LRRC4C: variants seen among roughly 807,000 people sequenced by gnomAD.
LRRC4C encodes leucine rich repeat containing 4C, also known as leucine-rich repeat-containing protein 4C.
Under a neutral mutation model 33.6 loss-of-function variants are expected in LRRC4C, and 5 were observed. The ratio of observed to expected loss-of-function variants is 0.15; its 90% CI spans 0.08 to 0.31. The LOEUF is 0.31. Among genes scored for constraint, LRRC4C ranks in the 10% least tolerant of loss-of-function variants. The pLI is 1.00. For missense variants in LRRC4C, 560 were observed against 796.7 expected, an observed-to-expected ratio of 0.70 and a Z score of 3.58; for synonymous variants, 329 against 302.0, an observed-to-expected ratio of 1.09 and a Z score of -0.93.
At chr11:41,153,321 G>C (rs1481172799) in intron 1 of LRRC4C, among the ~76,000 whole-genome samples, 1 of 152,100 alleles carries the variant, frequency 6.6e-6, no homozygotes, top group African/African-American at 2.4e-5. Context: ...GATGGTATTT[G>C]TTGTTGTTTT....
intron 1 of LRRC4C, among the ~76,000 whole-genome samples, chr11:41,077,561 G>A (rs1315283151): frequency 6.6e-6 from 1 of 152,170 alleles, no homozygotes; most frequent in Non-Finnish European, 1.5e-5. Context: ...GAGATGGAGG[G>A]TGTCATGTTG....
At chr11:40,313,111 T>G (rs921489178) in intron 4 of LRRC4C, among the ~76,000 whole-genome samples, 1 of 152,152 alleles carries the variant, frequency 6.6e-6, no homozygotes, top group Non-Finnish European at 1.5e-5. Context: ...AATCTCTACC[T>G]CTGGACATTA....
At chr11:40,833,922 A>T (rs1309368583) in intron 2 of LRRC4C, among the ~76,000 whole-genome samples, 1 of 152,220 alleles carries the variant, frequency 6.6e-6, no homozygotes, top group African/African-American at 2.4e-5. Context: ...AAATCCTTGA[A>T]TTTTTCATCT....
At chr11:41,064,360 A>T (rs1300359871) in intron 1 of LRRC4C, among the ~76,000 whole-genome samples, 1 of 152,172 alleles carries the variant, frequency 6.6e-6, no homozygotes, top group Non-Finnish European at 1.5e-5. Context: ...CTGGTACAAC[A>T]TGTGTCTTTC....
intron 3 of LRRC4C, among the ~76,000 whole-genome samples, chr11:40,528,910 C>T (rs1956165049): frequency 6.6e-6 from 1 of 152,066 alleles, no homozygotes; most frequent in Admixed American, 6.6e-5. Flanking sequence ...CTGAATGATT[C>T]CACTTATATG....
At chr11:40,191,674 T>C (rs1013649354) in intron 5 of LRRC4C, among the ~76,000 whole-genome samples, 3 of 152,190 alleles carry the variant, frequency 2.0e-5, no homozygotes, top group Non-Finnish European at 4.4e-5. Context: ...TAAAATTCCA[T>C]AACTGGCTAT....
At chr11:40,771,497 A>G (rs2137173092) in intron 2 of LRRC4C, among the ~76,000 whole-genome samples, 1 of 152,248 alleles carries the variant, frequency 6.6e-6, no homozygotes, top group Admixed American at 6.5e-5. Flanking sequence ...TGTTTCAGTG[A>G]TTAACATTCG....
At chr11:41,116,076 C>T (rs1486636717) in intron 1 of LRRC4C, among the ~76,000 whole-genome samples, 3 of 152,034 alleles carry the variant, frequency 2.0e-5, no homozygotes, top group Non-Finnish European at 4.4e-5. Context: ...TTTAAGCTAC[C>T]ATTTATTTAG....
chr11:41,443,573 T>C (rs1367566091), intron 1 of LRRC4C, among the ~76,000 whole-genome samples: 1 of 151,954 alleles, frequency 6.6e-6, no homozygotes, highest in African/African-American at 2.4e-5. Context: ...TTTTCTTTTT[T>C]CTTTCTTTCT....
At chr11:40,305,053 T>G (rs1472729560) in intron 4 of LRRC4C, among the ~76,000 whole-genome samples, 1 of 152,164 alleles carries the variant, frequency 6.6e-6, no homozygotes, top group African/African-American at 2.4e-5. Flanking sequence ...GCATCAACCT[T>G]ATCCCACATT....
intron 1 of LRRC4C, among the ~76,000 whole-genome samples, chr11:41,214,850 G>A (rs183968545): frequency 1.2e-4 from 18 of 146,350 alleles, no homozygotes; most frequent in African/African-American, 4.5e-4. Context: ...ATAAATAAAT[G>A]CTTAAGTAAA....
At chr11:41,281,763 A>C (rs187319425) in intron 1 of LRRC4C, among the ~76,000 whole-genome samples, 11 of 152,362 alleles carry the variant, frequency 7.2e-5, no homozygotes, top group Admixed American at 6.5e-4. Flanking sequence ...CTACTTGTTC[A>C]ATATTGGCAA....
At chr11:41,346,413 C>T (rs1371746704) in intron 1 of LRRC4C, among the ~76,000 whole-genome samples, 1 of 152,170 alleles carries the variant, frequency 6.6e-6, no homozygotes, top group Non-Finnish European at 1.5e-5. Context: ...TAAGATGATT[C>T]CTCCTACCAT....
intron 1 of LRRC4C, among the ~76,000 whole-genome samples, chr11:41,051,298 G>A (rs1332505712): frequency 1.3e-5 from 2 of 152,020 alleles, no homozygotes; most frequent in Non-Finnish European, 2.9e-5. Context: ...TAACTGCAAA[G>A]AGGTGAACGA....
At chr11:41,238,137 G>A (rs1404296909) in intron 1 of LRRC4C, among the ~76,000 whole-genome samples, 1 of 152,022 alleles carries the variant, frequency 6.6e-6, no homozygotes. Context: ...CCTATTTTAA[G>A]CAGTGTATTA....
At chr11:40,599,422 T>C (rs953905134) in intron 3 of LRRC4C, among the ~76,000 whole-genome samples, 42 of 152,224 alleles carry the variant, frequency 2.8e-4, no homozygotes, top group African/African-American at 9.9e-4. Flanking sequence ...CATTTCAGCC[T>C]GGGAGACAGA....
chr11:40,543,540 C>T (rs1180317922), intron 3 of LRRC4C, among the ~76,000 whole-genome samples: 1 of 152,068 alleles, frequency 6.6e-6, no homozygotes. Flanking sequence ...TTCTAATATT[C>T]ACCGAGCCTG....
At chr11:40,159,027 G>C (rs904973385) in intron 5 of LRRC4C, among the ~76,000 whole-genome samples, 53 of 152,284 alleles carry the variant, frequency 3.5e-4, no homozygotes, top group African/African-American at 1.3e-3. Context: ...TGGACAGATA[G>C]TGGAGTTGGG....
intron 3 of LRRC4C, among the ~76,000 whole-genome samples, chr11:40,352,116 TTCCTTCCTTCCTTC>T (rs1565303408): frequency 0.022 from 1,499 of 66,852 alleles, 19 homozygotes; most frequent in African/African-American, 0.083. Context: ...TCTTTCTTCC[TTCCTTCCTTCCTTC>T]CTTCCTTCCT....
Sources: gnomAD v4.1 joint callset for allele counts (sites outside exome capture counted in the v4.1 genomes callset) on GRCh38, gnomAD v4.1.1 for gene constraint, MANE v1.5 for transcripts, NCBI Gene and HGNC (gene_info 2026-07-23, HGNC 2026-07-21) for gene names.